SLC25A18: variants seen among roughly 807,000 people sequenced by gnomAD.
The protein encoded by SLC25A18 is solute carrier family 25 member 18.
SLC25A18 carries 24 observed loss-of-function variants against 31.1 expected under a neutral mutation model. The observed-to-expected ratio is 0.77, with a 90% confidence interval of 0.56 to 1.08. The LOEUF (loss-of-function observed/expected upper bound fraction) is 1.08. Among genes scored for constraint, SLC25A18 ranks in the 50% least tolerant of loss-of-function variants. The probability of loss-of-function intolerance (pLI) is 0.00; values close to 1 mark genes in which losing one functional copy is unlikely to be tolerated. For synonymous variants in SLC25A18, 173 were observed against 161.9 expected, an observed-to-expected ratio of 1.07 and a Z score of -0.52; for missense variants, 371 against 418.5, an observed-to-expected ratio of 0.89 and a Z score of 0.99.
At position 17,565,018 on chromosome 22, in the gene SLC25A18, C is replaced by T. The variant is rs916975972; in HGVS notation, c.-264+1305C>T. Among the ~76,000 whole-genome samples, 5 of 152,112 alleles carry T rather than the reference C, an allele frequency of 3.3e-5. No homozygotes were observed. The East Asian group carries it at 9.7e-4, about 29-fold the overall frequency. ...AGCCCAGGAGCCCTCCCTCGGGATG[C>T]TCTTATTTCTGCCTGCAGCCTCATT... On this transcript the variant is annotated intron_variant, in intron 1 of 10. Coordinates refer to ENST00000327451, the MANE Select transcript of SLC25A18 (RefSeq NM_031481.3).
chr22:17,583,003 C>T (rs554191662), intron 6 of SLC25A18, among the ~76,000 whole-genome samples: 2 of 151,920 alleles, frequency 1.3e-5, no homozygotes, highest in African/African-American at 4.8e-5. Flanking sequence ...TGGGCCCAGG[C>T]GGTCGAGGTT....
At chr22:17,577,442 G>A (rs1237531045) in intron 2 of SLC25A18, among the ~76,000 whole-genome samples, 2 of 151,482 alleles carry the variant, frequency 1.3e-5, no homozygotes, top group African/African-American at 4.9e-5. Flanking sequence ...ATAGGTGTGA[G>A]CCACCGCACC....
intron 2 of SLC25A18, among the ~76,000 whole-genome samples, chr22:17,572,202 G>A (rs191521059): frequency 1.2e-3 from 180 of 150,890 alleles, no homozygotes; most frequent in Non-Finnish European, 2.1e-3. Flanking sequence ...AAGGAGAATC[G>A]GCTGGGCACA....
At chr22:17,571,797 T>C (rs2057094038) in intron 2 of SLC25A18, among the ~76,000 whole-genome samples, 1 of 144,002 alleles carries the variant, frequency 6.9e-6, no homozygotes, top group Non-Finnish European at 1.5e-5. Context: ...GGCAGACGGA[T>C]CAGTTGAGGT....
chr22:17,589,810 AG>A, intron 10 of SLC25A18, 145 bp downstream of exon 10: 1 of 810,068 alleles, frequency 1.2e-6, no homozygotes, highest in Non-Finnish European at 2.0e-6. Flanking sequence ...CAAAGAAAAC[AG>A]AATGTACTGG....
intron 10 of SLC25A18, 130 bp downstream of exon 10, chr22:17,589,795 C>T: frequency 2.3e-6 from 2 of 870,350 alleles, no homozygotes; most frequent in Non-Finnish European, 3.6e-6. Context: ...CTTTCCCTCA[C>T]CTCTCAAAGA....
At chr22:17,567,713 T>G (rs975623084) in intron 1 of SLC25A18, among the ~76,000 whole-genome samples, 1 of 149,980 alleles carries the variant, frequency 6.7e-6, no homozygotes, top group African/African-American at 2.5e-5. Context: ...CAAAATCAAT[T>G]GCCACTTTCT....
At chr22:17,574,008 T>G (rs898704879) in intron 2 of SLC25A18, among the ~76,000 whole-genome samples, 8 of 152,164 alleles carry the variant, frequency 5.3e-5, no homozygotes, top group African/African-American at 1.9e-4. Context: ...GGTGTGCGGA[T>G]CAGCTGAGCT....
intron 2 of SLC25A18, among the ~76,000 whole-genome samples, chr22:17,572,532 G>A (rs942236317): frequency 6.7e-6 from 1 of 150,310 alleles, no homozygotes; most frequent in East Asian, 2.0e-4. Context: ...GGTGTCTCAC[G>A]CCTGTAATCC....
At chr22:17,586,733 C>T (rs142438647) in intron 7 of SLC25A18, among the ~76,000 whole-genome samples, 3,737 of 152,172 alleles carry the variant, frequency 0.025, 141 homozygotes, top group African/African-American at 0.085. Flanking sequence ...GAGCCGAGAT[C>T]GCACCACTGC....
intron 2 of SLC25A18, among the ~76,000 whole-genome samples, chr22:17,574,220 C>A (rs1451602296): frequency 6.7e-6 from 1 of 148,360 alleles, no homozygotes; most frequent in Non-Finnish European, 1.5e-5. Flanking sequence ...GGCAACAGAG[C>A]CAGATCTTGT....
chr22:17,564,541 A>C (rs985571388), intron 1 of SLC25A18, among the ~76,000 whole-genome samples: 1 of 152,172 alleles, frequency 6.6e-6, no homozygotes, highest in Non-Finnish European at 1.5e-5. Context: ...CAAACAGTTT[A>C]TATAAAGTAA....
rs868419321 is a variant in SLC25A18, at chr22:17,574,555, C to T, written c.-201+4569C>T. Reference sequence around the variant, plus strand: ...TTTTTGAGATGGAGTCTTGCTCTGTCGCCCAGGCTAGAGTGCAATGGCGTC... The same window carrying T: ...TTTTTGAGATGGAGTCTTGCTCTGTTGCCCAGGCTAGAGTGCAATGGCGTC... On this transcript the variant is annotated intron_variant, in intron 2 of 10. Transcript: ENST00000327451. 4.1e-4 allele frequency among the ~76,000 whole-genome samples: 61 copies of T among 147,586 alleles called. 1 individual carries two copies. The highest frequency in any genetic ancestry group is 1.5e-3 in the African/African-American group (59 of 39,366).
At chr22:17,585,131 C>T (rs1329376082) in intron 7 of SLC25A18, 1 of 152,184 alleles carries the variant, frequency 6.6e-6, no homozygotes, top group Non-Finnish European at 1.5e-5. Flanking sequence ...TGGCTCATGC[C>T]TGTAATCCCA....
At chr22:17,580,810 G>T (rs2057351420) in intron 3 of SLC25A18, 1 of 1,297,620 alleles carries the variant, frequency 7.7e-7, no homozygotes, top group East Asian at 3.2e-5. Context: ...GCCCCTGCAG[G>T]TCCCAGCTCC....
In SLC25A18 at chr22:17,580,732, G is replaced by A. The variant is rs534837885; in HGVS notation, c.21-305G>A. On this transcript the variant is annotated intron_variant, in intron 3 of 10. Transcript: ENST00000327451. ...CTGCGGAGGAGCCAGAGGACGGGCC[G>A]GGGAAGCTTGGGGCAGAGCGGTGCC... 8 of 1,135,304 alleles carry A rather than the reference G, an allele frequency of 7.0e-6. No homozygotes were observed. In the East Asian group the frequency reaches 2.0e-4, roughly 28 times the overall value. The allele number at this position is 1,135,304 out of a possible 1,614,324, so 70.3% of individuals were successfully genotyped here. A position where few individuals can be genotyped will look rare whatever the true frequency, so the allele number is the denominator to read the frequency against.
chr22:17,579,871 C>T lies in SLC25A18; in HGVS notation c.-74C>T, dbSNP rs2057326599. 2 of 1,564,156 alleles carry T rather than the reference C, an allele frequency of 1.3e-6. No individual in the cohort carries two copies. The highest frequency in any genetic ancestry group is 1.7e-6 in the Non-Finnish European group (2 of 1,153,672). On this transcript the variant is annotated 5_prime_UTR_variant, in exon 3 of 11. Transcript: ENST00000327451. Reference sequence around the variant, plus strand: ...GAGCCAAGGAAGCTTCCACTTCTTCCCCCAGACAGCCCCAACAGCGGCTAC... The same window carrying T: ...GAGCCAAGGAAGCTTCCACTTCTTCTCCCAGACAGCCCCAACAGCGGCTAC...
chr22:17,590,431 T>C lies in SLC25A18; in HGVS notation c.*195T>C. On this transcript the variant is annotated 3_prime_UTR_variant, in exon 11 of 11. Coordinates refer to ENST00000327451, the MANE Select transcript of SLC25A18 (RefSeq NM_031481.3). ...GCCTTCTTCCCCTTCGTGTCTACAC[T>C]CGTTTTCCTTTGTGGGCACAGCTAC... 1 of 596,862 alleles carries C rather than the reference T, an allele frequency of 1.7e-6. No homozygotes were observed. 37.0% of individuals were successfully genotyped at this position (596,862 alleles called of 1,614,324 possible).
chr22:17,577,040 G>A (rs2057245254), intron 2 of SLC25A18, among the ~76,000 whole-genome samples: 3 of 150,906 alleles, frequency 2.0e-5, no homozygotes, highest in African/African-American at 7.3e-5. Context: ...TTTTGGGGTG[G>A]GGGACAGAGT....
Sources: allele counts gnomAD v4.1 joint callset (sites outside exome capture counted in the v4.1 genomes callset), GRCh38; gene constraint gnomAD v4.1.1; transcripts MANE v1.5; gene names NCBI Gene and HGNC (gene_info 2026-07-23, HGNC 2026-07-21).